MUC4: variants seen among roughly 807,000 people sequenced by gnomAD.
MUC4 encodes the protein mucin-4.
A neutral mutation model predicts 257.9 loss-of-function variants in MUC4; 202 were observed. The ratio of observed to expected loss-of-function variants is 0.78; its 90% CI spans 0.70 to 0.88. The LOEUF is 0.88. Among genes scored for constraint, MUC4 ranks in the 40% least tolerant of loss-of-function variants. MUC4 has a pLI of 0.00. For synonymous variants in MUC4, 2,351 were observed against 2,757.1 expected (o/e 0.85, Z 4.62); for missense variants, 5,976 against 6,513.7 (o/e 0.92, Z 2.84).
chr3:195,789,058 G>A lies in MUC4; in HGVS notation c.2522C>T (p.Thr841Ile). Residue 841 changes from threonine (T) to isoleucine (I), a missense_variant, in exon 2 of 25, where the codon ACC becomes ATC. Thr to Ile is a moderately conservative substitution (Grantham distance 89). This residue lies in a region of MUC4 where 1,583 missense variants were observed against 1,257.4 expected (regional missense o/e 1.26). Coordinates refer to ENST00000463781, the MANE Select transcript of MUC4 (RefSeq NM_018406.7). ...GGACAGCAATTCGGTTGTTGACTGGGTTGTGTGACTGTCCCTGGAGGGGTT... is the reference window on the plus strand; with the variant it reads ...GGACAGCAATTCGGTTGTTGACTGGATTGTGTGACTGTCCCTGGAGGGGTT... ...SSNPSRDSHT[T>I]QSTTELLSAS... 1 of 1,613,796 alleles carries A rather than the reference G, an allele frequency of 6.2e-7. No individual in the cohort carries two copies. The highest frequency in any genetic ancestry group is 8.5e-7 in the Non-Finnish European group (1 of 1,179,812).
In MUC4 at chr3:195,761,062, G is replaced by A. The variant is rs1718786352; in HGVS notation, c.14670C>T (p.Asn4890=). 1 of 1,614,202 alleles carries A rather than the reference G, an allele frequency of 6.2e-7. No individual in the cohort carries two copies. Among genetic ancestry groups the A allele is most frequent in the Non-Finnish European group, 8.5e-7 (1 of 1,180,016 alleles). ...GTTGTGAGTAGAAAACAGGGGTGAA[G>A]TTGGAAGGCAGCTGGTCATTCCTCT... ...LGKRNDQLPS[N]FTPVFYSQLQ... Residue 4890 remains asparagine, a synonymous_variant, in exon 16 of 25, where the codon AAC becomes AAT. Coordinates refer to ENST00000463781, the MANE Select transcript of MUC4 (RefSeq NM_018406.7).
Position 195,789,194 on chromosome 3 carries a change from G to A in MUC4, c.2386C>T (p.Arg796Ter), listed in dbSNP as rs1277039508. The change falls in exon 2 of 25, where the codon CGA (arginine) becomes TGA (stop). Residue 796 changes from arginine to a stop codon, truncating the protein, a stop_gained. Transcript: ENST00000463781. LOFTEE classifies it high-confidence loss of function. ...GTAGCTGTGCCCGCTGAGGTGGTTCGTGACCCTGAGGAGGCCGGTTCGCTG... is the reference window on the plus strand; with the variant it reads ...GTAGCTGTGCCCGCTGAGGTGGTTCATGACCCTGAGGAGGCCGGTTCGCTG... The part of the protein sequence containing the change: ...QTSEPASSGS[R>*]TTSAGTATPS... 9.9e-6 allele frequency: 16 copies of A among 1,613,716 alleles called. No individual in the cohort carries two copies. Among genetic ancestry groups the A allele is most frequent in the East Asian group, 4.5e-5 (2 of 44,898 alleles).
At position 195,757,003 on chromosome 3, in the gene MUC4, T is replaced by C. The variant is rs1399839590; in HGVS notation, c.15168+144A>G. ...CCCATGTGAGTTTGTGGCCTGAGAC[T>C]GGAATCTGCTCTACTCACCTACCAC... On this transcript the variant is annotated intron_variant, in intron 18 of 24. Coordinates refer to ENST00000463781, the MANE Select transcript of MUC4 (RefSeq NM_018406.7). This position sits in a 1 kb window ranked among gnomAD's most constrained non-coding sequence, Gnocchi z 4.8. 2.5e-6 allele frequency: 2 copies of C among 810,974 alleles called. No homozygotes were observed. The highest frequency in any genetic ancestry group is 3.8e-6 in the Non-Finnish European group (2 of 521,028). The allele number at this position is 810,974 out of a possible 1,614,324, so 50.2% of individuals were successfully genotyped here.
rs370729830 is a variant in MUC4, at chr3:195,789,726, A to G, written c.1854T>C (p.His618=). 4.2e-5 allele frequency: 67 copies of G among 1,613,746 alleles called. No homozygotes were observed. The African/African-American group carries it at 7.2e-4, about 17-fold the overall frequency. ...QQITTAPSTN[H]STIHSTSTSP... ...AGGTGCTTGTGGAATGTATTGTTGAATGATTTGTTGATGGTGCCGTTGTAA... is the reference window on the plus strand; with the variant it reads ...AGGTGCTTGTGGAATGTATTGTTGAGTGATTTGTTGATGGTGCCGTTGTAA... The change falls in exon 2 of 25, where the codon CAT becomes CAC. Residue 618 remains histidine (H), a synonymous_variant. Coordinates refer to ENST00000463781, the MANE Select transcript of MUC4 (RefSeq NM_018406.7).
Position 195,757,310 on chromosome 3 carries a change from CACAGCA to C in MUC4, c.14999_15004del (p.Leu5000_Leu5001del). ...GAATGGCTCCAGCGACTTGGGTGTCCACAGCAACGTCCCATTCTCTGCCCCGGGGAA... is the reference window on the plus strand; with the variant it reads ...GAATGGCTCCAGCGACTTGGGTGTCCACGTCCCATTCTCTGCCCCGGGGAA... On this transcript the variant is annotated inframe_deletion, in exon 18 of 25. Transcript: ENST00000463781. This position sits in a 1 kb window ranked among gnomAD's most constrained non-coding sequence, Gnocchi z 4.8. 6.2e-7 allele frequency: 1 copy of C among 1,605,498 alleles called. No individual in the cohort carries two copies. The highest frequency in any genetic ancestry group is 8.5e-7 in the Non-Finnish European group (1 of 1,172,932).
rs2641720 is a variant in MUC4, at chr3:195,757,996, A to G, written c.14987-668T>C. 0.84 allele frequency among the ~76,000 whole-genome samples: 127,793 copies of G among 152,198 alleles called. 54,351 individuals are homozygous for G. Among genetic ancestry groups the G allele is most frequent in the African/African-American group, 0.97 (40,118 of 41,554 alleles). The stretch of plus-strand genomic sequence containing the variant: ...TTGTCTCGCACCTGGGAGGACGCAC[A>G]TGGGGCAAAAGGGATGCAGGCAAAG... On this transcript the variant is annotated intron_variant, in intron 17 of 24. Transcript: ENST00000463781. The surrounding 1 kb of genome is among the most constrained non-coding windows in gnomAD (Gnocchi z 4.8).
chr3:195,794,838 C>T (rs1025733815), intron 1 of MUC4, among the ~76,000 whole-genome samples: 1 of 152,210 alleles, frequency 6.6e-6, no homozygotes, highest in Non-Finnish European at 1.5e-5. Flanking sequence ...TGAACCAGCT[C>T]TAATTGTTAA....
rs561136920 is a variant in MUC4, at chr3:195,795,682, G to A, written c.83-4185C>T. Among the ~76,000 whole-genome samples, 277 of 152,170 alleles carry A rather than the reference G, an allele frequency of 1.8e-3. 5 individuals are homozygous for A. Among genetic ancestry groups the A allele is most frequent in the African/African-American group, 6.5e-3 (271 of 41,496 alleles). On this transcript the variant is annotated intron_variant, in intron 1 of 24. Transcript: ENST00000463781. ...AAAGCTGGAACCGCCAGCAAAAAAGGTAGACTAGAAAGACCAGGAAGAAAA... is the reference window on the plus strand; with the variant it reads ...AAAGCTGGAACCGCCAGCAAAAAAGATAGACTAGAAAGACCAGGAAGAAAA...
At position 195,789,782 on chromosome 3, in the gene MUC4, G is replaced by T; in HGVS notation, c.1798C>A (p.Pro600Thr). The T allele has an allele frequency of 6.2e-7, 1 of 1,614,006 alleles. No homozygotes were observed. The highest frequency in any genetic ancestry group is 8.5e-7 in the Non-Finnish European group (1 of 1,179,862). ...TGGGATGTGTGTCTATCCAGCATAG[G>T]TGAAGAAGATGGGGATGTGGCCGTT... ...IKTATSPSSSPMLDRHTSQQI... is the reference protein window; with the variant it reads ...IKTATSPSSSTMLDRHTSQQI... Residue 600 changes from proline to threonine, a missense_variant, in exon 2 of 25, where the codon CCT (proline) becomes ACT (threonine). Around this residue, in one of 44 missense-constraint regions of MUC4, gnomAD observed 1,583 missense variants for 1,257.4 expected, o/e 1.26. Transcript: ENST00000463781.
At position 195,790,762 on chromosome 3, in the gene MUC4, G is replaced by A; in HGVS notation, c.818C>T (p.Thr273Ile). 1 of 1,614,012 alleles carries A rather than the reference G, an allele frequency of 6.2e-7. No homozygotes were observed. The highest frequency in any genetic ancestry group is 1.1e-5 in the South Asian group (1 of 91,076). ...TGATGTCTCCCCTGGGTTTCCAAGAGTGGAGCCTGTGGAGGTTGTCACTGT... is the reference window on the plus strand; with the variant it reads ...TGATGTCTCCCCTGGGTTTCCAAGAATGGAGCCTGTGGAGGTTGTCACTGT... Reference protein sequence around the residue: ...KITVTTSTGSTLGNPGETSSV... With the variant: ...KITVTTSTGSILGNPGETSSV... Residue 273 changes from threonine to isoleucine, a missense_variant, in exon 2 of 25, where the codon ACT (threonine) becomes ATT (isoleucine). Physicochemically the swap from Thr to Ile is moderately conservative, Grantham distance 89 (BLOSUM62 -1). Coordinates refer to ENST00000463781, the MANE Select transcript of MUC4 (RefSeq NM_018406.7).
At position 195,761,040 on chromosome 3, in the gene MUC4, G is replaced by A; in HGVS notation, c.14692C>T (p.Gln4898Ter). The A allele has an allele frequency of 6.2e-7, 1 of 1,614,154 alleles. No homozygotes were observed. The highest frequency in any genetic ancestry group is 8.5e-7 in the Non-Finnish European group (1 of 1,180,006). Residue 4898 changes from glutamine (Q) to a stop codon, truncating the protein, a stop_gained, in exon 16 of 25, where the codon CAA becomes TAA. Transcript: ENST00000463781. LOFTEE classifies it high-confidence loss of function. ...PSNFTPVFYS[Q>*]LQKNSSWAEH... ...GCCCAGGAGCTGTTTTTTTGCAGTT[G>A]TGAGTAGAAAACAGGGGTGAAGTTG...
At position 195,756,642 on chromosome 3, in the gene MUC4, C is replaced by CTTTCT. The variant is rs71698407; in HGVS notation, c.15168+500_15168+504dup. Among the ~76,000 whole-genome samples the CTTTCT allele has an allele frequency of 6.6e-3, 925 of 140,216 alleles. 9 individuals carry two copies. The highest frequency in any genetic ancestry group is 0.022 in the African/African-American group (834 of 37,412). The allele number at this position is 140,216 out of a possible 152,430, so 92.0% of individuals were successfully genotyped here. A position where few individuals can be genotyped will look rare whatever the true frequency, so the allele number is the denominator to read the frequency against. Reference sequence around the variant, plus strand: ...CTTTCCTTTCTTTCCCTCCTTCTTTCTTTCTTTTCTTTTCTTTTCTTTTCT... The same window carrying CTTTCT: ...CTTTCCTTTCTTTCCCTCCTTCTTTCTTTCTTTTCTTTTCTTTTCTTTTCTTTTCT... On this transcript the variant is annotated intron_variant, in intron 18 of 24. Transcript: ENST00000463781.
intron 4 of MUC4, among the ~76,000 whole-genome samples, chr3:195,772,945 T>A (rs1162198225): frequency 1.8e-5 from 2 of 113,790 alleles, no homozygotes; most frequent in African/African-American, 3.4e-5. Flanking sequence ...CTCAGGGGTG[T>A]AGATACCCTC....
chr3:195,752,387 C>A lies in MUC4; in HGVS notation c.15568G>T (p.Glu5190Ter). 1 of 1,614,010 alleles carries A rather than the reference C, an allele frequency of 6.2e-7. No individual in the cohort carries two copies. The highest frequency in any genetic ancestry group is 1.1e-5 in the South Asian group (1 of 91,084). Residue 5190 changes from glutamate (E) to a stop codon, truncating the protein, a stop_gained, in exon 21 of 25, where the codon GAA becomes TAA. Coordinates refer to ENST00000463781, the MANE Select transcript of MUC4 (RefSeq NM_018406.7). LOFTEE classifies it high-confidence loss of function. ...GCAGCACTGACCGAGGCGTTGACTT[C>A]TGCCATGGAGGCATTTTCCTCTTCA... is the stretch of plus-strand genomic sequence containing the variant. Reference protein sequence around the residue: ...LSEEENASMAEVNASVAYRLG... With the variant: ...LSEEENASMA
At chr3:195,809,491 T>C (rs904863065) in intron 1 of MUC4, among the ~76,000 whole-genome samples, 4 of 152,124 alleles carry the variant, frequency 2.6e-5, no homozygotes, top group Non-Finnish European at 5.9e-5. Flanking sequence ...CGGTCAGATG[T>C]GTGGGTGCCA....
Position 195,751,130 on chromosome 3 carries a change from G to T in MUC4, c.15648-18C>A. On this transcript the variant is annotated intron_variant, in intron 22 of 24. Coordinates refer to ENST00000463781, the MANE Select transcript of MUC4 (RefSeq NM_018406.7). ...CAGAATCGCTGTGTGGGAGGGCAAC[G>T]GTGAGGGGGGGTGGGGGGCTGGGGG... is the stretch of plus-strand genomic sequence containing the variant. 6.4e-7 allele frequency: 1 copy of T among 1,552,298 alleles called. No homozygotes were observed. The highest frequency in any genetic ancestry group is 2.4e-5 in the East Asian group (1 of 41,834).
chr3:195,756,153 C>T (rs1255110819), intron 18 of MUC4, among the ~76,000 whole-genome samples: 5 of 152,162 alleles, frequency 3.3e-5, no homozygotes, highest in South Asian at 2.1e-4. Context: ...TTCCCAGCAC[C>T]GTGATGATGA....
intron 22 of MUC4, 36 bp from the exon 23 acceptor site, chr3:195,751,148 G>C (rs568708733): frequency 6.8e-7 from 1 of 1,479,000 alleles, no homozygotes; most frequent in Non-Finnish European, 9.1e-7. Flanking sequence ...GGGGTGGGGG[G>C]CTGGGGGTGG....
At chr3:195,805,156 G>T (rs1735819048) in intron 1 of MUC4, among the ~76,000 whole-genome samples, 1 of 151,558 alleles carries the variant, frequency 6.6e-6, no homozygotes, top group African/African-American at 2.4e-5. Flanking sequence ...CACCTCCCAG[G>T]TTCAAGTCCC....
Sources: gnomAD v4.1 joint callset for allele counts (sites outside exome capture counted in the v4.1 genomes callset) on GRCh38, gnomAD v4.1.1 for gene constraint, gnomAD v4.1.1 regional missense constraint, Gnocchi (gnomAD v3.1) non-coding constraint, MANE v1.5 for transcripts, NCBI Gene and HGNC (gene_info 2026-07-23, HGNC 2026-07-21) for gene names.